Variants in UNC79 observed in about 807,000 individuals in gnomAD.
The protein encoded by UNC79 is protein unc-79 homolog.
UNC79 carries 37 observed loss-of-function variants against 283.1 expected under a neutral mutation model. The ratio of observed to expected loss-of-function variants is 0.13; its 90% confidence interval spans 0.10 to 0.17. The LOEUF is 0.17. Ranked by LOEUF, UNC79 falls within the 10% of genes least tolerant of loss-of-function variation. The pLI is 1.00. For synonymous variants in UNC79, 1,107 were observed against 1,200.2 expected, an observed-to-expected ratio of 0.92 and a Z score of 1.61; for missense variants, 2,272 against 3,211.1, an observed-to-expected ratio of 0.71 and a Z score of 7.07.
intron 1 of UNC79, among the ~76,000 whole-genome samples, chr14:93,397,564 A>C (rs2055022865): frequency 6.6e-6 from 1 of 152,098 alleles, no homozygotes; most frequent in Non-Finnish European, 1.5e-5. Context: ...AAAATGCTAC[A>C]ACCTGGGCCC....
intron 24 of UNC79, among the ~76,000 whole-genome samples, chr14:93,598,775 G>A (rs976652391): frequency 1.3e-5 from 2 of 152,196 alleles, no homozygotes; most frequent in Non-Finnish European, 1.5e-5. Context: ...GCCTGCCTCG[G>A]CCTCCCAAAG....
In UNC79 at chr14:93,621,202, A is replaced by G. The variant is rs77048189; in HGVS notation, c.4388-419A>G. 2.4e-3 allele frequency among the ~76,000 whole-genome samples: 364 copies of G among 152,310 alleles called. 1 individual carries two copies. Among genetic ancestry groups the G allele is most frequent in the African/African-American group, 8.5e-3 (354 of 41,566 alleles). ...TATATATATACACATTTATATATAT[A>G]CGTGAATCGACAGATACATCATTAA... On this transcript the variant is annotated intron_variant, in intron 29 of 48. Transcript: ENST00000555664. This position sits in a 1 kb window ranked among gnomAD's most constrained non-coding sequence, Gnocchi z 4.8.
rs34406486 is a variant in UNC79, at chr14:93,404,486, T to TAAAAAAAAA, written c.-350-63177_-350-63176insAAAAAAAAA. Among the ~76,000 whole-genome samples the TAAAAAAAAA allele has an allele frequency of 5.1e-3, 271 of 52,736 alleles. 14 individuals carry two copies. Among genetic ancestry groups the TAAAAAAAAA allele is most frequent in the Middle Eastern group, 0.039 (3 of 76 alleles). 34.6% of individuals were successfully genotyped at this position (52,736 alleles called of 152,430 possible). A position where few individuals can be genotyped will look rare whatever the true frequency, so the allele number is the denominator to read the frequency against. On this transcript the variant is annotated intron_variant, in intron 1 of 49. Transcript: ENST00000256339. ...GGCTGAATGACAGAGTGAGACCTTC[T>TAAAAAAAAA]AAAAAAAATATATATATATATATAT...
intron 1 of UNC79, among the ~76,000 whole-genome samples, chr14:93,407,097 A>G (rs1297783474): frequency 3.3e-5 from 5 of 152,044 alleles, no homozygotes; most frequent in African/African-American, 9.7e-5. Flanking sequence ...GTGTCTCTGC[A>G]TCTCCTCTCT....
intron 39 of UNC79, among the ~76,000 whole-genome samples, chr14:93,660,889 C>A (rs1458836542): frequency 6.6e-6 from 1 of 152,026 alleles, no homozygotes; most frequent in African/African-American, 2.4e-5. Context: ...TGCGCCCAAC[C>A]TCAAGGCAAT....
At chr14:93,542,280 A>G (rs2061415880) in intron 13 of UNC79, among the ~76,000 whole-genome samples, 186 bp from the exon 14 acceptor site, 1 of 152,222 alleles carries the variant, frequency 6.6e-6, no homozygotes, top group Non-Finnish European at 1.5e-5. Context: ...TTGTTGTTGC[A>G]ATCCATCTAT....
chr14:93,529,927 A>G (rs1595760681), intron 10 of UNC79, among the ~76,000 whole-genome samples: 2 of 152,166 alleles, frequency 1.3e-5, no homozygotes, highest in Non-Finnish European at 2.9e-5. Flanking sequence ...TTCTCCACAT[A>G]TGGGAGAGGC....
At chr14:93,616,604 C>T (rs2066749917) in intron 27 of UNC79, among the ~76,000 whole-genome samples, 3 of 152,066 alleles carry the variant, frequency 2.0e-5, no homozygotes, top group African/African-American at 7.2e-5. Context: ...CTCAAGCAAT[C>T]TATCTGCCTC....
intron 1 of UNC79, chr14:93,347,061 A>C: frequency 1.9e-6 from 1 of 517,426 alleles, no homozygotes. Context: ...TGGAAAGGGC[A>C]GTACAGAGAA....
chr14:93,430,741 C>T lies in UNC79; in HGVS notation c.-289C>T, dbSNP rs938541055. 2 of 368,818 alleles carry T rather than the reference C, an allele frequency of 5.4e-6. No homozygotes were observed. Among genetic ancestry groups the T allele is most frequent in the Non-Finnish European group, 1.0e-5 (2 of 196,928 alleles). 22.8% of individuals were successfully genotyped at this position (368,818 alleles called of 1,614,324 possible). A position where few individuals can be genotyped will look rare whatever the true frequency, so the allele number is the denominator to read the frequency against. Reference sequence around the variant, plus strand: ...AGCCTGCTCTCTCCTTTCGGTCTCCCCGCCCACATCAACGCGGGCAGCTCC... The same window carrying T: ...AGCCTGCTCTCTCCTTTCGGTCTCCTCGCCCACATCAACGCGGGCAGCTCC... On this transcript the variant is annotated 5_prime_UTR_variant, in exon 1 of 49. Coordinates refer to ENST00000555664, the Ensembl canonical transcript of UNC79. This position sits in a 1 kb window ranked among gnomAD's most constrained non-coding sequence, Gnocchi z 4.6.
chr14:93,422,266 G>A (rs2055616978), intron 1 of UNC79, among the ~76,000 whole-genome samples: 1 of 151,784 alleles, frequency 6.6e-6, no homozygotes, highest in Non-Finnish European at 1.5e-5. Flanking sequence ...TTTCTGATTG[G>A]CAATTGATTG....
chr14:93,458,574 G>T (rs2056857717), intron 1 of UNC79, among the ~76,000 whole-genome samples: 1 of 152,174 alleles, frequency 6.6e-6, no homozygotes, highest in Non-Finnish European at 1.5e-5. Flanking sequence ...AGGAATGAGA[G>T]ATGGAAGGAA....
chr14:93,652,128 G>A (rs2070352725), intron 35 of UNC79, among the ~76,000 whole-genome samples: 1 of 152,002 alleles, frequency 6.6e-6, no homozygotes, highest in South Asian at 2.1e-4. Flanking sequence ...AGATGGGAGA[G>A]TCGGCACCCT....
intron 1 of UNC79, among the ~76,000 whole-genome samples, chr14:93,403,571 T>C (rs2055154415): frequency 6.6e-6 from 1 of 152,190 alleles, no homozygotes; most frequent in East Asian, 1.9e-4. Flanking sequence ...ACAAAAGCCA[T>C]GAGTCCTCAG....
At chr14:93,397,038 C>G (rs1205855937) in intron 1 of UNC79, 1 of 152,124 alleles carries the variant, frequency 6.6e-6, no homozygotes, top group Non-Finnish European at 1.5e-5. Context: ...ATCTTGTTTT[C>G]TATTGTTTCC....
intron 22 of UNC79, among the ~76,000 whole-genome samples, chr14:93,588,533 G>A (rs1477407571): frequency 1.3e-5 from 2 of 152,058 alleles, no homozygotes; most frequent in East Asian, 3.9e-4. Context: ...GAGGTCAGGA[G>A]ATCGAGACCA....
rs1566915210 is a variant in UNC79, at chr14:93,404,496, AT to A, written c.-350-63174del. 1.6e-3 allele frequency among the ~76,000 whole-genome samples: 132 copies of A among 82,288 alleles called. 11 individuals carry two copies. The highest frequency in any genetic ancestry group is 5.4e-3 in the Middle Eastern group (1 of 184). The allele number at this position is 82,288 out of a possible 152,430, so 54.0% of individuals were successfully genotyped here. A position where few individuals can be genotyped will look rare whatever the true frequency, so the allele number is the denominator to read the frequency against. Reference sequence around the variant, plus strand: ...CAGAGTGAGACCTTCTAAAAAAAATATATATATATATATATATAAATATATA... The same window carrying A: ...CAGAGTGAGACCTTCTAAAAAAAATAATATATATATATATATAAATATATA... On this transcript the variant is annotated intron_variant, in intron 1 of 49. Coordinates refer to the UNC79 transcript ENST00000256339.
At chr14:93,408,155 T>C (rs1251064033) in intron 1 of UNC79, among the ~76,000 whole-genome samples, 9 of 152,154 alleles carry the variant, frequency 5.9e-5, no homozygotes. Flanking sequence ...AACTTTGGAA[T>C]GATGAGACTG....
chr14:93,526,060 G>C (rs2060530984), intron 8 of UNC79, among the ~76,000 whole-genome samples: 1 of 152,146 alleles, frequency 6.6e-6, no homozygotes, highest in African/African-American at 2.4e-5. Flanking sequence ...GTGTCATTTA[G>C]TATATTTACA....
Sources: allele counts gnomAD v4.1 joint callset (sites outside exome capture counted in the v4.1 genomes callset), GRCh38; gene constraint gnomAD v4.1.1; non-coding constraint Gnocchi (gnomAD v3.1); transcripts MANE v1.5; gene names NCBI Gene and HGNC (gene_info 2026-07-23, HGNC 2026-07-21).